The following RGS8 variants were observed in gnomAD, a reference collection of about 807,000 sequenced individuals.
RGS8 encodes the protein regulator of G-protein signaling 8.
A neutral mutation model predicts 21.7 loss-of-function variants in RGS8; 8 were observed. That is an observed-to-expected ratio of 0.37 (90% CI 0.22 to 0.66). The LOEUF (loss-of-function observed/expected upper bound fraction) is 0.66, where lower values mean the gene tolerates loss of function less well. Ranked by LOEUF, RGS8 falls within the 30% of genes least tolerant of loss-of-function variation. The probability of loss-of-function intolerance (pLI) is 0.59; values close to 1 mark genes in which losing one functional copy is unlikely to be tolerated. For synonymous variants in RGS8, 80 were observed against 83.6 expected (o/e 0.96, Z 0.24); for missense variants, 157 against 217.9 (o/e 0.72, Z 1.76).
At chr1:182,671,947 CG>C (rs1242052242), upstream of RGS8, 1 of 1,394,704 alleles carries the variant, frequency 7.2e-7, no homozygotes, top group Non-Finnish European at 9.3e-7. Context: ...ACCCAGCGGG[CG>C]GCGGCTCAGC....
chr1:182,662,028 G>C (rs1663617085), intron 5 of RGS8, among the ~76,000 whole-genome samples: 1 of 152,150 alleles, frequency 6.6e-6, no homozygotes, highest in Admixed American at 6.5e-5. Flanking sequence ...AGAGTGCTTA[G>C]CTAGTGGTTA....
intron 5 of RGS8, among the ~76,000 whole-genome samples, chr1:182,651,396 C>G (rs1281361930): frequency 6.6e-6 from 1 of 152,198 alleles, no homozygotes; most frequent in Middle Eastern, 3.2e-3. Flanking sequence ...TAGTAAATTA[C>G]ATGAGCTATT....
At chr1:182,703,701 G>T in the RGS8 span, among the ~76,000 whole-genome samples, 1 of 152,148 alleles carries the variant, frequency 6.6e-6, no homozygotes, top group East Asian at 1.9e-4. Flanking sequence ...ATTTAAATTT[G>T]CCTTTGGCCT....
At chr1:182,667,269 T>C (rs914398877) in intron 3 of RGS8, among the ~76,000 whole-genome samples, 2 of 152,226 alleles carry the variant, frequency 1.3e-5, no homozygotes, top group Non-Finnish European at 2.9e-5. Flanking sequence ...GGATTCTCTG[T>C]AGGGAAAGAA....
chr1:182,689,222 A>ATCTCTC (rs138588158), upstream of RGS8, among the ~76,000 whole-genome samples: 1 of 145,698 alleles, frequency 6.9e-6, no homozygotes, highest in Non-Finnish European at 1.5e-5. Context: ...CCCTAACAGC[A>ATCTCTC]TCTCTCTCTC....
At chr1:182,656,321 C>T (rs553683059) in intron 5 of RGS8, among the ~76,000 whole-genome samples, 4 of 152,210 alleles carry the variant, frequency 2.6e-5, no homozygotes, top group East Asian at 3.9e-4. Flanking sequence ...ACACACATAC[C>T]ACAGCCCAGC....
chr1:182,746,607 G>A, the RGS8 span, among the ~76,000 whole-genome samples: 86 of 150,966 alleles, frequency 5.7e-4, no homozygotes, highest in Non-Finnish European at 2.4e-4. Flanking sequence ...AGTGGAGATC[G>A]CGCCACTGCA....
At chr1:182,690,983 A>G in the RGS8 span, among the ~76,000 whole-genome samples, 1 of 152,232 alleles carries the variant, frequency 6.6e-6, no homozygotes, top group Admixed American at 6.5e-5. Context: ...AACTTGCTTC[A>G]TGAAAGAAAA....
chr1:182,657,497 A>G (rs1404189069), intron 5 of RGS8, among the ~76,000 whole-genome samples: 1 of 151,736 alleles, frequency 6.6e-6, no homozygotes, highest in African/African-American at 2.4e-5. Context: ...GGCCCCATGC[A>G]CCCCAGACCC....
At chr1:182,672,002 G>C (rs1374461408), upstream of RGS8, 1 of 1,104,594 alleles carries the variant, frequency 9.1e-7, no homozygotes, top group Non-Finnish European at 1.2e-6. Flanking sequence ...GCAGGATGCA[G>C]AAGGTGCCCC....
At chr1:182,735,002 T>C in the RGS8 span, among the ~76,000 whole-genome samples, 2 of 152,252 alleles carry the variant, frequency 1.3e-5, no homozygotes, top group Non-Finnish European at 2.9e-5. Context: ...CAACCAGTAC[T>C]TGAAAGTATT....
At chr1:182,671,108 C>T (rs1664136336) in intron 2 of RGS8, among the ~76,000 whole-genome samples, 1 of 152,228 alleles carries the variant, frequency 6.6e-6, no homozygotes, top group African/African-American at 2.4e-5. Context: ...CCTTGTCTCT[C>T]TTCCCATTCC....
At chr1:182,726,096 GCAGTTTGCAGTT>G in the RGS8 span, among the ~76,000 whole-genome samples, 1 of 151,648 alleles carries the variant, frequency 6.6e-6, no homozygotes, top group South Asian at 2.1e-4. Context: ...TCAGCGGCTT[GCAGTTTGCAGTT>G]CTTAGTTAAT....
the RGS8 span, among the ~76,000 whole-genome samples, chr1:182,741,792 G>A: frequency 2.9e-5 from 3 of 103,362 alleles, no homozygotes; most frequent in South Asian, 3.0e-4. Context: ...GCGGCTGGCC[G>A]CGCAGAGGGG....
the RGS8 span, among the ~76,000 whole-genome samples, chr1:182,730,539 A>G: frequency 6.6e-6 from 1 of 151,846 alleles, no homozygotes; most frequent in Non-Finnish European, 1.5e-5. Flanking sequence ...GCGAAACCAC[A>G]TCTCTACTAA....
intron 1 of RGS8, among the ~76,000 whole-genome samples, chr1:182,678,879 C>G (rs981317130): frequency 1.3e-5 from 2 of 152,146 alleles, no homozygotes; most frequent in African/African-American, 4.8e-5. Flanking sequence ...CCCTCACAAC[C>G]TGATCTCCTG....
upstream of RGS8, among the ~76,000 whole-genome samples, chr1:182,676,688 G>A (rs2102452601): frequency 6.6e-6 from 1 of 152,288 alleles, no homozygotes; most frequent in East Asian, 1.9e-4. Context: ...GAGGGGACAT[G>A]GAGAAAAGTC....
the RGS8 span, among the ~76,000 whole-genome samples, chr1:182,731,137 A>AG: frequency 6.6e-6 from 1 of 152,234 alleles, no homozygotes; most frequent in Non-Finnish European, 1.5e-5. Flanking sequence ...TCCCAAGCAT[A>AG]GGCACTAATT....
chr1:182,667,166 C>T (rs562542041), intron 3 of RGS8, among the ~76,000 whole-genome samples, 193 bp from the exon 5 acceptor site: 7 of 152,200 alleles, frequency 4.6e-5, no homozygotes, highest in East Asian at 3.9e-4. Context: ...GTACCCTAAC[C>T]GACCCCCTAG....
Sources: gnomAD v4.1 joint callset for allele counts (sites outside exome capture counted in the v4.1 genomes callset) on GRCh38, gnomAD v4.1.1 for gene constraint, MANE v1.5 for transcripts, NCBI Gene and HGNC (gene_info 2026-07-23, HGNC 2026-07-21) for gene names.